The following ERBIN variants were observed in gnomAD, a reference collection of about 807,000 sequenced individuals.
ERBIN encodes densin-180-like protein.
ERBIN carries 60 observed loss-of-function variants against 158.4 expected under a neutral mutation model. That is an observed-to-expected ratio of 0.38 (90% confidence interval 0.31 to 0.47). The LOEUF is 0.47. ERBIN is among the 20% of genes least tolerant of loss of function. ERBIN has a pLI of 0.99. For missense variants in ERBIN, 1,610 were observed against 1,648.0 expected, an observed-to-expected ratio of 0.98 and a Z score of 0.40; for synonymous variants, 594 against 557.2, an observed-to-expected ratio of 1.07 and a Z score of -0.93.
chr5:66,065,473 A>G (rs1047588924), intron 21 of ERBIN, among the ~76,000 whole-genome samples: 1 of 152,242 alleles, frequency 6.6e-6, no homozygotes, highest in Admixed American at 6.5e-5. Context: ...TTGTACCTAG[A>G]TTTTACCTTT....
At chr5:66,058,369 T>C (rs1312439137) in intron 21 of ERBIN, among the ~76,000 whole-genome samples, 10 of 152,112 alleles carry the variant, frequency 6.6e-5, no homozygotes, top group African/African-American at 2.4e-4. Context: ...ATGCTTTGCC[T>C]ACTTTTTGAT....
intron 21 of ERBIN, among the ~76,000 whole-genome samples, chr5:66,068,326 T>TA (rs879539943): frequency 7.2e-4 from 104 of 144,632 alleles, no homozygotes; most frequent in South Asian, 2.0e-3. Context: ...GTCTACCTCT[T>TA]AAAAAAAAAA....
chr5:65,982,190 G>A (rs1561328752), intron 1 of ERBIN, among the ~76,000 whole-genome samples: 1 of 152,318 alleles, frequency 6.6e-6, no homozygotes, highest in East Asian at 1.9e-4. Context: ...CATACTGAAA[G>A]TCCTGTAGTA....
chr5:66,031,231 C>T (rs1303119108), intron 14 of ERBIN, among the ~76,000 whole-genome samples: 3 of 152,134 alleles, frequency 2.0e-5, no homozygotes, highest in Non-Finnish European at 4.4e-5. Context: ...AAATAAATTG[C>T]TCAGCTATGT....
intron 21 of ERBIN, among the ~76,000 whole-genome samples, chr5:66,060,426 CTCTTT>C (rs1252213054): frequency 6.6e-6 from 1 of 152,144 alleles, no homozygotes. Flanking sequence ...TGATTCTTCT[CTCTTT>C]TCTTCTTTAT....
chr5:65,933,502 TC>T (rs1429175769), intron 1 of ERBIN, among the ~76,000 whole-genome samples: 1 of 152,332 alleles, frequency 6.6e-6, no homozygotes, highest in South Asian at 2.1e-4. Flanking sequence ...GTGTCACATC[TC>T]CTACATACAT....
At position 65,965,382 on chromosome 5, in the gene ERBIN, G is replaced by GTTTTTTTTTTTTTTTT. The variant is rs200847060; in HGVS notation, c.-57-23227_-57-23212dup. 5.6e-4 allele frequency among the ~76,000 whole-genome samples: 54 copies of GTTTTTTTTTTTTTTTT among 96,056 alleles called. 3 individuals are homozygous for GTTTTTTTTTTTTTTTT. The highest frequency in any genetic ancestry group is 8.6e-4 in the Non-Finnish European group (42 of 48,704). The allele number at this position is 96,056 out of a possible 152,430, so 63.0% of individuals were successfully genotyped here. A position where few individuals can be genotyped will look rare whatever the true frequency, so the allele number is the denominator to read the frequency against. ...GTTCTTACCAGATTTGTTTTTTGTT[G>GTTTTTTTTTTTTTTTT]TTTTTTTTTTTTTTTTTTTTTTTTT... is the stretch of plus-strand genomic sequence containing the variant. On this transcript the variant is annotated intron_variant, in intron 1 of 25. Coordinates refer to ENST00000284037, the MANE Select transcript of ERBIN (RefSeq NM_001253697.2).
chr5:65,969,788 A>G (rs1749047442), intron 1 of ERBIN, among the ~76,000 whole-genome samples: 1 of 152,208 alleles, frequency 6.6e-6, no homozygotes, highest in Non-Finnish European at 1.5e-5. Flanking sequence ...ACATATAAAC[A>G]TAGCTTTCTA....
At chr5:66,060,513 G>A (rs1409462959) in intron 21 of ERBIN, among the ~76,000 whole-genome samples, 1 of 152,072 alleles carries the variant, frequency 6.6e-6, no homozygotes, top group Non-Finnish European at 1.5e-5. Context: ...TTAATTTTTT[G>A]AAGGGTTTTT....
In ERBIN at chr5:66,081,756, G is replaced by C. The variant is rs1027805300; in HGVS notation, c.*3226G>C. On this transcript the variant is annotated 3_prime_UTR_variant, in exon 26 of 26. Coordinates refer to ENST00000284037, the MANE Select transcript of ERBIN (RefSeq NM_001253697.2). ...TTGACGTGTGAAATCTATTTGGAAG[G>C]GTATTTTTTTCACTCAGTCTGTTGC... The C allele has an allele frequency of 6.6e-6, 1 of 151,800 alleles. No homozygotes were observed. The highest frequency in any genetic ancestry group is 1.5e-5 in the Non-Finnish European group (1 of 67,892). 9.4% of individuals were successfully genotyped at this position (151,800 alleles called of 1,614,324 possible). A position where few individuals can be genotyped will look rare whatever the true frequency, so the allele number is the denominator to read the frequency against.
chr5:65,998,223 C>CA (rs199628129), intron 4 of ERBIN, among the ~76,000 whole-genome samples: 5,583 of 145,904 alleles, frequency 0.038, 347 homozygotes, highest in African/African-American at 0.13. Flanking sequence ...GCAAGACTCT[C>CA]AAAAAAAAAT....
intron 21 of ERBIN, among the ~76,000 whole-genome samples, chr5:66,061,097 C>T (rs1370431635): frequency 6.6e-6 from 1 of 152,062 alleles, no homozygotes. Flanking sequence ...TCCTGGATAT[C>T]CTTGTTAACT....
At chr5:65,928,515 C>T (rs530916322) in intron 1 of ERBIN, among the ~76,000 whole-genome samples, 1 of 152,184 alleles carries the variant, frequency 6.6e-6, no homozygotes, top group South Asian at 2.1e-4. Context: ...AGAATTATCG[C>T]TTTATGAAGA....
intron 1 of ERBIN, among the ~76,000 whole-genome samples, chr5:65,969,616 T>C (rs1236873634): frequency 6.6e-6 from 1 of 152,192 alleles, no homozygotes; most frequent in African/African-American, 2.4e-5. Flanking sequence ...TTTCAGTGAT[T>C]TATTGGTAGG....
chr5:66,023,241 T>G, intron 8 of ERBIN, 49 bp from the exon 9 acceptor site: 16 of 1,334,564 alleles, frequency 1.2e-5, no homozygotes, highest in Non-Finnish European at 1.7e-5. Flanking sequence ...ATAAAGACAT[T>G]CATAAAAATT....
intron 20 of ERBIN, among the ~76,000 whole-genome samples, chr5:66,051,360 C>T (rs1759000841): frequency 6.6e-6 from 1 of 152,072 alleles, no homozygotes; most frequent in South Asian, 2.1e-4. Flanking sequence ...GTATATTTGG[C>T]TTAGGCTTAA....
intron 19 of ERBIN, among the ~76,000 whole-genome samples, chr5:66,049,776 A>T (rs16894795): frequency 0.04 from 6,155 of 152,110 alleles, 424 homozygotes; most frequent in African/African-American, 0.14. Context: ...TTTGGCTAGA[A>T]TTCAGTTAGT....
Position 66,076,894 on chromosome 5 carries a change from T to A in ERBIN, c.4076T>A (p.Val1359Glu), listed in dbSNP as rs765523081. 6.2e-7 allele frequency: 1 copy of A among 1,609,252 alleles called. No individual in the cohort carries two copies. The highest frequency in any genetic ancestry group is 1.7e-5 in the Admixed American group (1 of 59,846). ...PDDDGIFVTR[V>E]QPEGPASKLL... is the part of the protein sequence containing the mutation. ...TTAAAGGGTATATTTGTAACAAGGGTACAACCTGAAGGACCAGCATCAAAA... is the reference window on the plus strand; with the variant it reads ...TTAAAGGGTATATTTGTAACAAGGGAACAACCTGAAGGACCAGCATCAAAA... Residue 1359 changes from valine to glutamate, a missense_variant, in exon 25 of 26, where the codon GTA becomes GAA. By Grantham distance (121) the Val-to-Glu change is moderately radical (BLOSUM62 -2). Coordinates refer to ENST00000284037, the MANE Select transcript of ERBIN (RefSeq NM_001253697.2).
rs751801883 is a variant in ERBIN at position 66,054,636 on chromosome 5, A to G, written c.3318A>G (p.Ser1106=). 11 of 1,614,172 alleles carry G rather than the reference A, an allele frequency of 6.8e-6. No individual in the cohort carries two copies. The highest frequency in any genetic ancestry group is 2.2e-5 in the South Asian group (2 of 91,086). Residue 1106 remains serine (S), a synonymous_variant, in exon 21 of 26, where the codon TCA becomes TCG. Coordinates refer to ENST00000284037, the MANE Select transcript of ERBIN (RefSeq NM_001253697.2). Reference sequence around the variant, plus strand: ...AGATTCCTGAAGGAGATTATTTATCATACAGAGAGTTCCACTCAGCGGGAA... The same window carrying G: ...AGATTCCTGAAGGAGATTATTTATCGTACAGAGAGTTCCACTCAGCGGGAA... ...RAQIPEGDYL[S]YREFHSAGRT...
Sources: allele counts gnomAD v4.1 joint callset (sites outside exome capture counted in the v4.1 genomes callset), GRCh38; gene constraint gnomAD v4.1.1; transcripts MANE v1.5; gene names NCBI Gene and HGNC (gene_info 2026-07-23, HGNC 2026-07-21).